The following WNK2 variants were observed in gnomAD, a reference collection of about 807,000 sequenced individuals.
WNK2 encodes WNK lysine deficient protein kinase 2, also known as serine/threonine-protein kinase WNK2.
In WNK2, 67 loss-of-function variants were observed where a neutral mutation model predicts 192.1. The ratio of observed to expected loss-of-function variants is 0.35; its 90% CI spans 0.29 to 0.43. The LOEUF (loss-of-function observed/expected upper bound fraction) is 0.43. Among genes scored for constraint, WNK2 ranks in the 20% least tolerant of loss-of-function variants. WNK2 has a pLI of 1.00. For synonymous variants in WNK2, 1,439 were observed against 1,393.9 expected, an observed-to-expected ratio of 1.03 and a Z score of -0.72; for missense variants, 2,698 against 3,089.7, an observed-to-expected ratio of 0.87 and a Z score of 3.01.
At chr9:93,216,994 C>G (rs1213276565) in intron 2 of WNK2, among the ~76,000 whole-genome samples, 1 of 151,162 alleles carries the variant, frequency 6.6e-6, no homozygotes. Context: ...AAGTCTTGCT[C>G]TGTTGCCAGG....
chr9:93,269,933 C>T (rs1845786506), intron 19 of WNK2, among the ~76,000 whole-genome samples: 4 of 152,182 alleles, frequency 2.6e-5, no homozygotes, highest in African/African-American at 9.7e-5. Context: ...TGTGTGAAGG[C>T]ATTTGAAATC....
In WNK2 at chr9:93,256,364, G is replaced by T; in HGVS notation, c.2100G>T (p.Pro700=). 6.3e-7 allele frequency: 1 copy of T among 1,581,312 alleles called. No individual in the cohort carries two copies. The highest frequency in any genetic ancestry group is 2.3e-5 in the East Asian group (1 of 43,744). The part of the protein sequence containing the change: ...ACPPSLQQHF[P]DPAMSFAPVL... ...CTCCGTCCCTCCAGCAGCACTTCCC[G>T]GATCCGGCCATGAGCTTCGCCCCCG... The change falls in exon 10 of 30, where the codon CCG becomes CCT. Residue 700 remains proline (P), a synonymous_variant. Coordinates refer to ENST00000427277, the MANE Select transcript of WNK2 (RefSeq NM_006648.4).
chr9:93,290,033 C>T lies in WNK2; in HGVS notation c.4922C>T (p.Ser1641Phe), dbSNP rs1396143648. Residue 1641 changes from serine to phenylalanine, a missense_variant, in exon 21 of 30, where the codon TCC becomes TTC. Physicochemically the swap from Ser to Phe is radical, Grantham distance 155. Transcript: ENST00000427277. ...GGGGCCGTGATGGAGCAGGGCACGTCCTCGTCAATGACAGGTAACAGCTTC... is the reference window on the plus strand; with the variant it reads ...GGGGCCGTGATGGAGCAGGGCACGTTCTCGTCAATGACAGGTAACAGCTTC... ...TRGAVMEQGT[S>F]SSMTAESSPR... The T allele has an allele frequency of 1.3e-6, 2 of 1,574,144 alleles. No individual in the cohort carries two copies. The highest frequency in any genetic ancestry group is 1.7e-6 in the Non-Finnish European group (2 of 1,158,780).
intron 29 of WNK2, among the ~76,000 whole-genome samples, chr9:93,319,621 G>A (rs1855256913): frequency 6.6e-6 from 1 of 152,252 alleles, no homozygotes; most frequent in African/African-American, 2.4e-5. Context: ...TGCATTACTT[G>A]CTGCAGCCCC....
chr9:93,250,351 G>A (rs1842406304), intron 8 of WNK2, among the ~76,000 whole-genome samples: 1 of 152,192 alleles, frequency 6.6e-6, no homozygotes, highest in Non-Finnish European at 1.5e-5. Flanking sequence ...ACATTCACCT[G>A]CACACATACA....
In WNK2 at chr9:93,267,960, G is replaced by A. The variant is rs368797667; in HGVS notation, c.3867+44G>A. On this transcript the variant is annotated intron_variant, in intron 17 of 29. Coordinates refer to ENST00000427277, the MANE Select transcript of WNK2 (RefSeq NM_006648.4). The stretch of plus-strand genomic sequence containing the variant: ...GGGTGGGAGGTGGTGAGAGTGCAGT[G>A]GCTGGGCAGGTGGGCGCTGCAGCTC... 9 of 1,608,318 alleles carry A rather than the reference G, an allele frequency of 5.6e-6. No individual in the cohort carries two copies. The African/African-American group carries it at 6.7e-5, about 12-fold the overall frequency.
intron 19 of WNK2, among the ~76,000 whole-genome samples, chr9:93,287,572 G>A (rs989028912): frequency 1.1e-4 from 17 of 152,172 alleles, no homozygotes; most frequent in South Asian, 2.1e-4. Flanking sequence ...ACAGACGAAC[G>A]GTAAGGCCGG....
chr9:93,303,685 G>C (rs1238717666), intron 26 of WNK2, among the ~76,000 whole-genome samples: 2 of 152,198 alleles, frequency 1.3e-5, no homozygotes, highest in Non-Finnish European at 2.9e-5. Context: ...ACTGTGGGCT[G>C]TCTGTGGAGC....
Position 93,292,783 on chromosome 9 carries a change from T to A in WNK2, c.5318T>A (p.Val1773Asp). 6.4e-7 allele frequency: 1 copy of A among 1,554,396 alleles called. No individual in the cohort carries two copies. Among genetic ancestry groups the A allele is most frequent in the Non-Finnish European group, 8.7e-7 (1 of 1,150,738 alleles). Reference protein sequence around the residue: ...HSLRYSAPPDVYLDEAPSSPD... With the variant: ...HSLRYSAPPDDYLDEAPSSPD... ...CTGAGATACTCTGCCCCACCCGACG[T>A]CTACCTGGACGAGGCCCCCTCCAGC... The change falls in exon 23 of 30, where the codon GTC (valine) becomes GAC (aspartate). Residue 1773 changes from valine (V) to aspartate (D), a missense_variant. Transcript: ENST00000427277.
Position 93,185,249 on chromosome 9 carries a change from C to G in WNK2, c.320C>G (p.Ala107Gly). The change falls in exon 2 of 30, where the codon GCC (alanine) becomes GGC (glycine). Residue 107 changes from alanine (A) to glycine (G), a missense_variant. Physicochemically the swap from Ala to Gly is moderately conservative, Grantham distance 60. This residue lies in a region of WNK2 where 260 missense variants were observed against 285.6 expected (regional missense o/e 0.91). Transcript: ENST00000427277. ...APAALVAQPG[A>G]PGAPADAGPE... ...GCAGCGCTGGTAGCGCAGCCGGGAG[C>G]CCCCGGAGCCCCCGCGGACGCCGGC... 1 of 1,236,008 alleles carries G rather than the reference C, an allele frequency of 8.1e-7. No homozygotes were observed. Among genetic ancestry groups the G allele is most frequent in the Non-Finnish European group, 1.0e-6 (1 of 992,106 alleles). 76.6% of individuals were successfully genotyped at this position (1,236,008 alleles called of 1,614,324 possible).
In WNK2 at chr9:93,239,395, A is replaced by G. The variant is rs1840367096; in HGVS notation, c.1323-362A>G. 6.6e-6 allele frequency among the ~76,000 whole-genome samples: 1 copy of G among 152,260 alleles called. No individual in the cohort carries two copies. Among genetic ancestry groups the G allele is most frequent in the African/African-American group, 2.4e-5 (1 of 41,468 alleles). On this transcript the variant is annotated intron_variant, in intron 6 of 29. Coordinates refer to ENST00000427277, the MANE Select transcript of WNK2 (RefSeq NM_006648.4). This position sits in a 1 kb window ranked among gnomAD's most constrained non-coding sequence, Gnocchi z 4.2. ...TTAGACCTACCCAGGACTAAACACT[A>G]AAATGTTTCAGTTGTGTCTTCTGAC...
intron 7 of WNK2, among the ~76,000 whole-genome samples, chr9:93,246,198 G>A (rs1180903903): frequency 3.9e-5 from 6 of 152,182 alleles, no homozygotes; most frequent in African/African-American, 1.4e-4. Context: ...TTGCCAGCGG[G>A]AGGCCCTCAG....
intron 2 of WNK2, among the ~76,000 whole-genome samples, chr9:93,228,459 C>T (rs1480687696): frequency 2.6e-5 from 4 of 152,272 alleles, no homozygotes; most frequent in Admixed American, 6.5e-5. Context: ...TAGAAGTCCC[C>T]GGAATTTTGC....
chr9:93,243,925 CTCT>C (rs1004473109), intron 7 of WNK2, among the ~76,000 whole-genome samples: 6 of 152,252 alleles, frequency 3.9e-5, no homozygotes, highest in African/African-American at 1.4e-4. Context: ...TCTGAGGCTG[CTCT>C]TCTTCCTAAA....
chr9:93,268,761 C>A lies in WNK2; in HGVS notation c.4033+15C>A. The A allele has an allele frequency of 6.2e-7, 1 of 1,606,900 alleles. No individual in the cohort carries two copies. Among genetic ancestry groups the A allele is most frequent in the Non-Finnish European group, 8.5e-7 (1 of 1,177,378 alleles). ...AGCCAGCCAAGGTATGAGCAGCAGGCGCCCACACAAGCCCCTCCCTGTTTC... is the reference window on the plus strand; with the variant it reads ...AGCCAGCCAAGGTATGAGCAGCAGGAGCCCACACAAGCCCCTCCCTGTTTC... On this transcript the variant is annotated intron_variant, in intron 19 of 29. Coordinates refer to ENST00000427277, the MANE Select transcript of WNK2 (RefSeq NM_006648.4).
At chr9:93,299,009 C>G (rs1246079010) in intron 24 of WNK2, 61 bp from the exon 25 acceptor site, 1 of 1,517,380 alleles carries the variant, frequency 6.6e-7, no homozygotes, top group Non-Finnish European at 8.9e-7. Flanking sequence ...CAGACTCAAT[C>G]CACACGGCCC....
At chr9:93,195,529 T>C (rs1045946977) in intron 2 of WNK2, among the ~76,000 whole-genome samples, 2 of 151,746 alleles carry the variant, frequency 1.3e-5, no homozygotes, top group African/African-American at 4.8e-5. Flanking sequence ...TGAAAACCTG[T>C]CTCTACTAAA....
At chr9:93,317,982 C>T in intron 29 of WNK2, 1 of 1,612,608 alleles carries the variant, frequency 6.2e-7, no homozygotes, top group East Asian at 2.2e-5. Flanking sequence ...AGCGGGTGGG[C>T]AGCAAGACTG....
chr9:93,256,547 A>G, intron 10 of WNK2, 93 bp downstream of exon 10: 2 of 1,364,078 alleles, frequency 1.5e-6, no homozygotes, highest in South Asian at 1.6e-5. Flanking sequence ...CCTCCCACAG[A>G]CCCTTCGCTC....
Sources: allele counts gnomAD v4.1 joint callset (sites outside exome capture counted in the v4.1 genomes callset), GRCh38; gene constraint gnomAD v4.1.1; regional missense constraint gnomAD v4.1.1; non-coding constraint Gnocchi (gnomAD v3.1); transcripts MANE v1.5; gene names NCBI Gene and HGNC (gene_info 2026-07-23, HGNC 2026-07-21).